FGF20: variants seen among roughly 807,000 people sequenced by gnomAD.
FGF20 encodes the protein fibroblast growth factor 20.
Under a neutral mutation model 16.7 loss-of-function variants are expected in FGF20, and 8 were observed. The ratio of observed to expected loss-of-function variants is 0.48; its 90% CI spans 0.28 to 0.87. The LOEUF is 0.87. Among genes scored for constraint, FGF20 ranks in the 40% least tolerant of loss-of-function variants. The pLI, the probability that FGF20 is intolerant of heterozygous loss-of-function variation, is 0.10. For synonymous variants in FGF20, 161 were observed against 118.6 expected, an observed-to-expected ratio of 1.36 and a Z score of -2.32; for missense variants, 397 against 281.4, an observed-to-expected ratio of 1.41 and a Z score of -2.94.
chr8:16,999,888 G>A (rs903554849), intron 1 of FGF20, among the ~76,000 whole-genome samples: 1 of 152,014 alleles, frequency 6.6e-6, no homozygotes, highest in African/African-American at 2.4e-5. Flanking sequence ...GTATGGCAGG[G>A]TGAAATTCTG....
chr8:16,993,386 A>T, intron 2 of FGF20, 69 bp from the exon 3 acceptor site: 1 of 1,414,954 alleles, frequency 7.1e-7, no homozygotes, highest in Non-Finnish European at 9.5e-7. Context: ...ACAAGTTTCA[A>T]CTCTATATTT....
chr8:16,993,955 G>C (rs551554999), intron 2 of FGF20, among the ~76,000 whole-genome samples: 2 of 152,206 alleles, frequency 1.3e-5, no homozygotes, highest in South Asian at 4.2e-4. Flanking sequence ...ATGAAGTTTC[G>C]CTCACTTGCC....
rs1418750432 is a variant in FGF20 at position 16,992,737 on chromosome 8, A to C, written c.*335T>G. Reference sequence around the variant, plus strand: ...AGTCTCTATTTTTAACATAAATTTTAAAGTAAACATAATCCAGAGAGGTGA... The same window carrying C: ...AGTCTCTATTTTTAACATAAATTTTCAAGTAAACATAATCCAGAGAGGTGA... On this transcript the variant is annotated 3_prime_UTR_variant, in exon 3 of 3. Transcript: ENST00000180166. 1 of 176,494 alleles carries C rather than the reference A, an allele frequency of 5.7e-6. No individual in the cohort carries two copies. The highest frequency in any genetic ancestry group is 1.2e-5 in the Non-Finnish European group (1 of 84,616). 10.9% of individuals were successfully genotyped at this position (176,494 alleles called of 1,614,324 possible).
At chr8:16,995,599 A>C in intron 2 of FGF20, 56 bp downstream of exon 2, 1 of 705,494 alleles carries the variant, frequency 1.4e-6, no homozygotes, top group East Asian at 2.9e-5. Flanking sequence ...ATTACATAAT[A>C]GATAGTCAAT....
rs1449012235 is a variant in FGF20 at position 17,001,928 on chromosome 8, C to T, written c.105G>A (p.Pro35=). The change falls in exon 1 of 3, where the codon CCG becomes CCA. Residue 35 remains proline (P), a synonymous_variant. Coordinates refer to ENST00000180166, the MANE Select transcript of FGF20 (RefSeq NM_019851.3). The part of the protein sequence containing the change: ...FLLPPAGERP[P]LLGERRSAAE... ...CCGCGCTCCTGCGCTCGCCCAGCAG[C>T]GGCGGCCGCTCCCCGGCAGGAGGCA... 6 of 1,492,498 alleles carry T rather than the reference C, an allele frequency of 4.0e-6. No individual in the cohort carries two copies. Among genetic ancestry groups the T allele is most frequent in the South Asian group, 3.8e-5 (3 of 78,194 alleles). 92.5% of individuals were successfully genotyped at this position (1,492,498 alleles called of 1,614,324 possible).
rs1164959091 is a variant in FGF20, at chr8:16,992,514, A to T, written c.*558T>A. On this transcript the variant is annotated 3_prime_UTR_variant, in exon 3 of 3. Transcript: ENST00000180166. ...ATATATAATAAATATTTTCAAATTG[A>T]AAGTGTATAAATAGGTCCATTCTTT... The T allele has an allele frequency of 6.6e-6, 1 of 151,566 alleles. No homozygotes were observed. Among genetic ancestry groups the T allele is most frequent in the Non-Finnish European group, 1.5e-5 (1 of 67,886 alleles). 9.4% of individuals were successfully genotyped at this position (151,566 alleles called of 1,614,324 possible).
rs946847507 is a variant in FGF20, at chr8:16,995,601, A to G, written c.390+54T>C. ...GGTAGACATTTTAATTACATAATAG[A>G]TAGTCAATATTTTAAGAATTACAAT... On this transcript the variant is annotated intron_variant, in intron 2 of 2. Coordinates refer to ENST00000180166, the MANE Select transcript of FGF20 (RefSeq NM_019851.3). 5.3e-5 allele frequency: 38 copies of G among 714,040 alleles called. No homozygotes were observed. In the Middle Eastern group the frequency reaches 9.1e-4, roughly 17 times the overall value. 44.2% of individuals were successfully genotyped at this position (714,040 alleles called of 1,614,324 possible). A position where few individuals can be genotyped will look rare whatever the true frequency, so the allele number is the denominator to read the frequency against.
chr8:16,996,305 C>T (rs1026240184), intron 1 of FGF20, among the ~76,000 whole-genome samples: 1 of 152,116 alleles, frequency 6.6e-6, no homozygotes, highest in African/African-American at 2.4e-5. Context: ...AGTACTACGA[C>T]AATGGTATAA....
At chr8:16,995,787 C>A in intron 1 of FGF20, 29 bp from the exon 2 acceptor site, 1 of 1,318,794 alleles carries the variant, frequency 7.6e-7, no homozygotes, top group Non-Finnish European at 1.1e-6. Flanking sequence ...CATAAAAACA[C>A]CATGTTTTGT....
chr8:16,995,564 C>G (rs1432176695), intron 2 of FGF20, 91 bp downstream of exon 2: 1 of 531,086 alleles, frequency 1.9e-6, no homozygotes, highest in Non-Finnish European at 3.1e-6. Flanking sequence ...TATACTTCTA[C>G]CAGACATTCT....
chr8:17,002,112 T>G lies in FGF20; in HGVS notation c.-80A>C. On this transcript the variant is annotated 5_prime_UTR_variant, in exon 1 of 3. Transcript: ENST00000180166. Reference sequence around the variant, plus strand: ...TGGGATGGAGGTGGATAGAGAAAAATTATAGCAAAACGAGCGCAAAAAGTT... The same window carrying G: ...TGGGATGGAGGTGGATAGAGAAAAAGTATAGCAAAACGAGCGCAAAAAGTT... 1 of 1,402,976 alleles carries G rather than the reference T, an allele frequency of 7.1e-7. No individual in the cohort carries two copies. The highest frequency in any genetic ancestry group is 9.3e-7 in the Non-Finnish European group (1 of 1,073,922). The allele number at this position is 1,402,976 out of a possible 1,614,324, so 86.9% of individuals were successfully genotyped here.
At chr8:16,996,915 C>T (rs1810066287) in intron 1 of FGF20, among the ~76,000 whole-genome samples, 1 of 152,284 alleles carries the variant, frequency 6.6e-6, no homozygotes, top group East Asian at 1.9e-4. Flanking sequence ...GAGGACAATA[C>T]AGTAGTTTCA....
In FGF20 at chr8:16,995,691, A is replaced by G. The variant is rs147332801; in HGVS notation, c.354T>C (p.Tyr118=). 1.2e-6 allele frequency: 2 copies of G among 1,605,760 alleles called. No individual in the cohort carries two copies. The highest frequency in any genetic ancestry group is 2.7e-5 in the African/African-American group (2 of 74,736). Residue 118 remains tyrosine (Y), a synonymous_variant, in exon 2 of 3, where the codon TAT becomes TAC. Coordinates refer to ENST00000180166, the MANE Select transcript of FGF20 (RefSeq NM_019851.3). The part of the protein sequence containing the change: ...VSIRGVDSGL[Y]LGMNDKGELY... ...GTTCTCCTTTGTCATTCATTCCAAG[A>G]TAGAGACCACTGTCCACACCTCTAA...
chr8:16,998,659 G>A (rs1810112532), intron 1 of FGF20, among the ~76,000 whole-genome samples: 1 of 152,130 alleles, frequency 6.6e-6, no homozygotes, highest in African/African-American at 2.4e-5. Flanking sequence ...TAATAAACAG[G>A]TGAGTCAACC....
intron 2 of FGF20, among the ~76,000 whole-genome samples, chr8:16,993,736 C>CA (rs1173977714): frequency 2.0e-5 from 3 of 152,158 alleles, no homozygotes; most frequent in Admixed American, 1.3e-4. Context: ...TGTTTTCTTG[C>CA]AACTAGACTG....
At chr8:17,001,186 C>T (rs1164187324) in intron 1 of FGF20, among the ~76,000 whole-genome samples, 5 of 152,094 alleles carry the variant, frequency 3.3e-5, no homozygotes, top group African/African-American at 1.2e-4. Context: ...TTGCAAGTCT[C>T]TAGGTAGACA....
At chr8:16,995,620 T>C in intron 2 of FGF20, 35 bp downstream of exon 2, 1 of 911,800 alleles carries the variant, frequency 1.1e-6, no homozygotes, top group Non-Finnish European at 1.6e-6. Context: ...ATTTTAAGAA[T>C]TACAATAATA....
chr8:16,993,252 T>G lies in FGF20; in HGVS notation c.456A>C (p.Ser152=). 3 of 1,614,136 alleles carry G rather than the reference T, an allele frequency of 1.9e-6. No individual in the cohort carries two copies. Among genetic ancestry groups the G allele is most frequent in the Non-Finnish European group, 1.7e-6 (2 of 1,179,986 alleles). Residue 152 remains serine (S), a synonymous_variant, in exon 3 of 3, where the codon TCA becomes TCC. Transcript: ENST00000180166. ...QFEENWYNTY[S]SNIYKHGDTG... ...TGTCTCCATGTTTATATATGTTAGA[T>G]GAATAGGTGTTATACCAGTTCTCTT...
intron 1 of FGF20, among the ~76,000 whole-genome samples, chr8:17,001,250 A>G (rs967238823): frequency 6.6e-6 from 1 of 152,204 alleles, no homozygotes; most frequent in Non-Finnish European, 1.5e-5. Context: ...AATCAGCTGC[A>G]TAACTGTGGG....
Sources: allele counts gnomAD v4.1 joint callset (sites outside exome capture counted in the v4.1 genomes callset), GRCh38; gene constraint gnomAD v4.1.1; transcripts MANE v1.5; gene names NCBI Gene and HGNC (gene_info 2026-07-23, HGNC 2026-07-21).